The following SLIT3 variants were observed in gnomAD, a reference collection of about 807,000 sequenced individuals.
SLIT3 encodes slit guidance ligand 3, also known as slit homolog 3 protein.
In SLIT3, 68 loss-of-function variants were observed where a neutral mutation model predicts 184.0. The observed-to-expected ratio is 0.37, with a 90% CI of 0.30 to 0.45. The LOEUF (loss-of-function observed/expected upper bound fraction) is 0.45. SLIT3 is among the 20% of genes least tolerant of loss of function. The probability of loss-of-function intolerance (pLI) is 1.00; values close to 1 mark genes in which losing one functional copy is unlikely to be tolerated. For synonymous variants in SLIT3, 831 were observed against 828.6 expected (o/e 1.00, Z -0.05); for missense variants, 1,707 against 2,026.0 (o/e 0.84, Z 3.02).
At chr5:168,686,701 A>G (rs1477440564) in intron 30 of SLIT3, among the ~76,000 whole-genome samples, 1 of 152,230 alleles carries the variant, frequency 6.6e-6, no homozygotes, top group Non-Finnish European at 1.5e-5. Context: ...CTACCCAAGC[A>G]TGACATTACA....
chr5:169,213,752 CT>C (rs35100815), intron 3 of SLIT3, among the ~76,000 whole-genome samples: 1 of 152,194 alleles, frequency 6.6e-6, no homozygotes, highest in Non-Finnish European at 1.5e-5. Context: ...TGGGTAAAAA[CT>C]TTTTTCTCTT....
Position 168,934,757 on chromosome 5 carries a change from C to T in SLIT3, c.414-51421G>A, listed in dbSNP as rs143677692. ...GGAATTAGAACAACAACAATACTTG[C>T]TGCCTATTCCTGAACACTTATTGTG... On this transcript the variant is annotated intron_variant, in intron 4 of 35. Coordinates refer to ENST00000519560, the MANE Select transcript of SLIT3 (RefSeq NM_003062.4). 1.9e-3 allele frequency among the ~76,000 whole-genome samples: 290 copies of T among 152,208 alleles called. 1 individual carries two copies. The highest frequency in any genetic ancestry group is 6.7e-3 in the African/African-American group (278 of 41,552).
At chr5:168,799,619 G>A (rs573851610) in intron 9 of SLIT3, among the ~76,000 whole-genome samples, 4 of 152,282 alleles carry the variant, frequency 2.6e-5, no homozygotes, top group African/African-American at 7.2e-5. Flanking sequence ...AGCCTGGCAG[G>A]GGCACGGCCG....
chr5:169,211,537 C>T (rs1373466765), intron 3 of SLIT3, among the ~76,000 whole-genome samples: 1 of 152,182 alleles, frequency 6.6e-6, no homozygotes, highest in Non-Finnish European at 1.5e-5. Context: ...TCTCACTCTA[C>T]TCCAGCCATG....
chr5:169,249,288 A>G (rs1177400020), intron 2 of SLIT3, among the ~76,000 whole-genome samples: 1 of 152,136 alleles, frequency 6.6e-6, no homozygotes, highest in Non-Finnish European at 1.5e-5. Context: ...GTATATTAAT[A>G]GTCTACTGGG....
intron 28 of SLIT3, among the ~76,000 whole-genome samples, chr5:168,692,952 T>A (rs1194670267): frequency 6.6e-6 from 1 of 152,202 alleles, no homozygotes; most frequent in Non-Finnish European, 1.5e-5. Flanking sequence ...AGCATCACCA[T>A]TTGGCTGTTT....
chr5:168,764,079 TAACTGCCCTTATCTTCCA>T (rs1755248625), intron 14 of SLIT3, among the ~76,000 whole-genome samples: 1 of 152,196 alleles, frequency 6.6e-6, no homozygotes, highest in African/African-American at 2.4e-5. Flanking sequence ...GGGAATCAAA[TAACTGCCCTTATCTTCCA>T]GGGGCTGTTG....
chr5:168,751,888 C>T (rs1175848661), intron 18 of SLIT3, among the ~76,000 whole-genome samples: 1 of 152,098 alleles, frequency 6.6e-6, no homozygotes, highest in African/African-American at 2.4e-5. Context: ...CAGGTGTGCA[C>T]CACCACCACG....
chr5:168,710,989 C>T lies in SLIT3; in HGVS notation c.2625G>A (p.Gly875=), dbSNP rs1174946751. The change falls in exon 25 of 36, where the codon GGG becomes GGA. Residue 875 remains glycine (G), a synonymous_variant. Transcript: ENST00000519560. ...LRWLSEWVKA[G]YKEPGIARCS... ...AGCGGGCGATGCCAGGCTCCTTGTA[C>T]CCCGCCTTCACCCACTCCGACAGCC... The T allele has an allele frequency of 6.4e-7, 1 of 1,571,390 alleles. No individual in the cohort carries two copies. Among genetic ancestry groups the T allele is most frequent in the South Asian group, 1.2e-5 (1 of 85,144 alleles).
chr5:168,686,055 G>A (rs563185437), intron 30 of SLIT3, 128 bp from the exon 31 acceptor site: 29 of 1,074,272 alleles, frequency 2.7e-5, no homozygotes, highest in Non-Finnish European at 3.7e-5. Flanking sequence ...AGTTCTAGGG[G>A]CTAGTTCCAG....
chr5:168,828,659 A>AAAAAAAAAAAAAAAAG (rs1757779175), intron 6 of SLIT3, among the ~76,000 whole-genome samples: 1 of 55,144 alleles, frequency 1.8e-5, no homozygotes, highest in Non-Finnish European at 3.4e-5. Flanking sequence ...ATCCTGACTC[A>AAAAAAAAAAAAAAAAG]AAAAAAAAAA....
At chr5:169,190,371 G>T (rs1158445839) in intron 4 of SLIT3, among the ~76,000 whole-genome samples, 1 of 152,182 alleles carries the variant, frequency 6.6e-6, no homozygotes, top group Non-Finnish European at 1.5e-5. Flanking sequence ...ACATCACCAA[G>T]CCCCTGGATC....
intron 6 of SLIT3, among the ~76,000 whole-genome samples, chr5:168,837,564 C>A (rs983361749): frequency 2.0e-5 from 3 of 152,202 alleles, no homozygotes; most frequent in African/African-American, 7.2e-5. Flanking sequence ...ATATCTTGTT[C>A]TCTTCAGAGA....
At chr5:169,208,902 G>C (rs762042416) in intron 3 of SLIT3, among the ~76,000 whole-genome samples, 3 of 152,146 alleles carry the variant, frequency 2.0e-5, no homozygotes, top group South Asian at 4.1e-4. Context: ...TGGGCAAAGA[G>C]TTAATGTCTA....
chr5:168,824,956 T>C (rs900416107), intron 6 of SLIT3, among the ~76,000 whole-genome samples: 2 of 152,228 alleles, frequency 1.3e-5, no homozygotes, highest in Non-Finnish European at 2.9e-5. Flanking sequence ...GCAGGACCAT[T>C]TTCTGTCCTG....
At chr5:169,138,624 A>G (rs1761611709) in intron 4 of SLIT3, among the ~76,000 whole-genome samples, 1 of 152,204 alleles carries the variant, frequency 6.6e-6, no homozygotes, top group African/African-American at 2.4e-5. Context: ...AGAGCCTGGC[A>G]CATGTTAAGT....
intron 1 of SLIT3, among the ~76,000 whole-genome samples, chr5:169,280,784 G>A (rs1042570480): frequency 6.6e-6 from 1 of 152,144 alleles, no homozygotes; most frequent in African/African-American, 2.4e-5. Flanking sequence ...CTCCCTCCCA[G>A]CTTTGCTGAT....
chr5:169,061,571 T>C (rs1240711153), intron 4 of SLIT3, among the ~76,000 whole-genome samples: 1 of 152,214 alleles, frequency 6.6e-6, no homozygotes, highest in Non-Finnish European at 1.5e-5. Context: ...TGGCACCTAA[T>C]GCCTGGCCCA....
Position 168,795,552 on chromosome 5 carries a change from G to C in SLIT3, c.962C>G (p.Ala321Gly), listed in dbSNP as rs370853269. 9.2e-5 allele frequency: 149 copies of C among 1,613,880 alleles called. No homozygotes were observed. In the Middle Eastern group the frequency reaches 4.0e-3, roughly 43 times the overall value. ...EIRLEQNSIK[A>G]IPAGAFTQYK... ...CTGGGTGAAGGCTCCTGCAGGGATG[G>C]CTTTGATGGAGTTCTGTTCTAGGCG... Residue 321 changes from alanine to glycine, a missense_variant, in exon 10 of 36, where the codon GCC becomes GGC. Physicochemically the swap from Ala to Gly is moderately conservative, Grantham distance 60. This residue lies in a region of SLIT3 where 1,307 missense variants were observed against 1,511.6 expected (regional missense o/e 0.86). Coordinates refer to ENST00000519560, the MANE Select transcript of SLIT3 (RefSeq NM_003062.4).
Sources: allele counts gnomAD v4.1 joint callset (sites outside exome capture counted in the v4.1 genomes callset), GRCh38; gene constraint gnomAD v4.1.1; regional missense constraint gnomAD v4.1.1; transcripts MANE v1.5; gene names NCBI Gene and HGNC (gene_info 2026-07-23, HGNC 2026-07-21).